The following CDH13 variants were observed in gnomAD, a reference collection of about 807,000 sequenced individuals.
The protein encoded by CDH13 is cadherin-13.
CDH13 carries 24 observed loss-of-function variants against 63.8 expected under a neutral mutation model. The ratio of observed to expected loss-of-function variants is 0.38; its 90% CI spans 0.27 to 0.53. CDH13 has a LOEUF of 0.53. CDH13 is among the 20% of genes least tolerant of loss of function. CDH13 has a pLI of 0.85. For missense variants in CDH13, 1,049 were observed against 903.1 expected, an observed-to-expected ratio of 1.16 and a Z score of -2.07; for synonymous variants, 503 against 355.3, an observed-to-expected ratio of 1.42 and a Z score of -4.67.
At chr16:82,832,601 CAA>C (rs36043000) in intron 1 of CDH13, among the ~76,000 whole-genome samples, 283 of 147,054 alleles carry the variant, frequency 1.9e-3, no homozygotes, top group South Asian at 8.1e-3. Flanking sequence ...AGATTCCCAG[CAA>C]AAAAAAAAAA....
intron 5 of CDH13, among the ~76,000 whole-genome samples, chr16:83,304,881 G>A (rs1210643046): frequency 6.6e-6 from 1 of 152,088 alleles, no homozygotes; most frequent in Non-Finnish European, 1.5e-5. Flanking sequence ...TCTCCCGTAT[G>A]TGTGTGTGTA....
intron 1 of CDH13, among the ~76,000 whole-genome samples, chr16:82,769,694 G>C (rs79336323): frequency 1.3e-5 from 2 of 152,262 alleles, no homozygotes; most frequent in East Asian, 3.9e-4. Context: ...TTTACTTTAT[G>C]TTTGCAAATG....
At chr16:82,926,983 C>G (rs1001902482) in intron 2 of CDH13, among the ~76,000 whole-genome samples, 5 of 151,770 alleles carry the variant, frequency 3.3e-5, no homozygotes, top group African/African-American at 1.2e-4. Flanking sequence ...CTATTCATCT[C>G]TGTTTTTCAC....
intron 1 of CDH13, among the ~76,000 whole-genome samples, chr16:82,716,193 C>G (rs1265418213): frequency 2.6e-5 from 4 of 152,178 alleles, no homozygotes; most frequent in Admixed American, 1.3e-4. Context: ...AGACTTCCCT[C>G]TTGGGTTCAG....
intron 2 of CDH13, among the ~76,000 whole-genome samples, chr16:82,978,117 G>A (rs1427198151): frequency 6.6e-6 from 1 of 152,122 alleles, no homozygotes; most frequent in South Asian, 2.1e-4. Context: ...TAGGGTATCT[G>A]GCAGAATAAA....
intron 2 of CDH13, among the ~76,000 whole-genome samples, chr16:82,866,459 G>A (rs573342493): frequency 9.4e-4 from 114 of 121,868 alleles, no homozygotes; most frequent in African/African-American, 3.6e-3. Context: ...CACGATCTCA[G>A]CTCACTGCAA....
chr16:82,837,427 G>C (rs1422697755), intron 1 of CDH13, among the ~76,000 whole-genome samples: 4 of 133,898 alleles, frequency 3.0e-5, no homozygotes, highest in African/African-American at 5.6e-5. Context: ...CAGGTTCCTT[G>C]ATCCCCAAGT....
chr16:82,809,323 A>AC (rs1195749406), intron 1 of CDH13, among the ~76,000 whole-genome samples: 1 of 151,832 alleles, frequency 6.6e-6, no homozygotes, highest in Non-Finnish European at 1.5e-5. Context: ...CAAAAAAAAA[A>AC]AATCACTGTA....
At chr16:83,681,720 C>G (rs983728018) in intron 10 of CDH13, among the ~76,000 whole-genome samples, 7 of 152,152 alleles carry the variant, frequency 4.6e-5, no homozygotes, top group Non-Finnish European at 7.4e-5. Context: ...TTATTTGCAG[C>G]CTTTGATCCT....
Position 82,858,426 on chromosome 16 carries a change from A to G in CDH13, c.110A>G (p.His37Arg), listed in dbSNP as rs1349073212. 3 of 1,613,846 alleles carry G rather than the reference A, an allele frequency of 1.9e-6. No individual in the cohort carries two copies. Among genetic ancestry groups the G allele is most frequent in the Middle Eastern group, 1.6e-4 (1 of 6,062 alleles). ...CTPGFQQKVF[H>R]INQPAEFIED... ...CCTGGATTTCAGCAGAAAGTGTTCC[A>G]TATCAATCAGCCAGCTGAATTCATT... The change falls in exon 2 of 14, where the codon CAT (histidine) becomes CGT (arginine). Residue 37 changes from histidine to arginine, a missense_variant. Coordinates refer to ENST00000567109, the MANE Select transcript of CDH13 (RefSeq NM_001257.5).
chr16:83,465,008 C>G (rs2073273488), intron 6 of CDH13, among the ~76,000 whole-genome samples: 2 of 152,152 alleles, frequency 1.3e-5, no homozygotes, highest in Non-Finnish European at 2.9e-5. Context: ...CATTTCAGAA[C>G]CATTGAATTG....
intron 8 of CDH13, among the ~76,000 whole-genome samples, chr16:83,634,086 C>T (rs1360918220): frequency 6.6e-6 from 1 of 151,466 alleles, no homozygotes; most frequent in Non-Finnish European, 1.5e-5. Context: ...AACCAGACCT[C>T]ACGAAGTCTC....
chr16:83,082,670 C>A (rs976884135), intron 3 of CDH13, among the ~76,000 whole-genome samples: 5 of 151,912 alleles, frequency 3.3e-5, no homozygotes, highest in African/African-American at 1.2e-4. Context: ...ATAAAAACAC[C>A]AGAAAGATCT....
At chr16:83,207,818 C>T (rs1488435715) in intron 4 of CDH13, among the ~76,000 whole-genome samples, 1 of 149,804 alleles carries the variant, frequency 6.7e-6, no homozygotes, top group South Asian at 2.1e-4. Flanking sequence ...AAAGGGCACA[C>T]TCTCAGAAAA....
intron 3 of CDH13, among the ~76,000 whole-genome samples, chr16:83,113,570 C>T (rs2035163281): frequency 6.6e-6 from 1 of 152,220 alleles, no homozygotes; most frequent in East Asian, 1.9e-4. Context: ...AAGACTGGCA[C>T]TGACGACACA....
intron 5 of CDH13, among the ~76,000 whole-genome samples, chr16:83,271,361 C>T (rs2088802084): frequency 8.0e-6 from 1 of 125,356 alleles, no homozygotes; most frequent in African/African-American, 2.9e-5. Context: ...CTTAAGGCCA[C>T]CAGCAACATT....
rs1311619517 is a variant in CDH13, at chr16:83,077,082, A to G, written c.366+44864A>G. On this transcript the variant is annotated intron_variant, in intron 3 of 13. Transcript: ENST00000567109. ...TTGTTTCAAGTTTCATTGGTTCTAG[A>G]ATTTTATATGAATGAAATCGTATGG... 2.0e-5 allele frequency among the ~76,000 whole-genome samples: 3 copies of G among 151,474 alleles called. No individual in the cohort carries two copies. The East Asian group carries it at 5.8e-4, about 29-fold the overall frequency.
chr16:83,121,758 T>C (rs963965158), intron 3 of CDH13, among the ~76,000 whole-genome samples: 2 of 152,218 alleles, frequency 1.3e-5, no homozygotes, highest in Admixed American at 6.5e-5. Context: ...GATGGGTTCC[T>C]AGCAGTAAAA....
intron 13 of CDH13, among the ~76,000 whole-genome samples, chr16:83,787,104 C>G (rs141013046): frequency 1.3e-5 from 2 of 152,190 alleles, no homozygotes; most frequent in African/African-American, 2.4e-5. Context: ...ACATACAGTT[C>G]TATTTTGTGC....
Sources: gnomAD v4.1 joint callset for allele counts (sites outside exome capture counted in the v4.1 genomes callset) on GRCh38, gnomAD v4.1.1 for gene constraint, MANE v1.5 for transcripts, NCBI Gene and HGNC (gene_info 2026-07-23, HGNC 2026-07-21) for gene names.